ANKRD30A: variants seen among roughly 807,000 people sequenced by gnomAD.
ANKRD30A encodes the protein ankyrin repeat domain-containing protein 30A.
A neutral mutation model predicts 166.3 loss-of-function variants in ANKRD30A; 170 were observed. That is an observed-to-expected ratio of 1.02 (90% CI 0.90 to 1.16). The LOEUF is 1.16. ANKRD30A is among the 50% of genes most tolerant of loss of function. ANKRD30A has a pLI of 0.00. For missense variants in ANKRD30A, 1,630 were observed against 1,518.0 expected, an observed-to-expected ratio of 1.07 and a Z score of -1.23; for synonymous variants, 564 against 508.9, an observed-to-expected ratio of 1.11 and a Z score of -1.46.
intron 31 of ANKRD30A, among the ~76,000 whole-genome samples, chr10:37,212,879 C>T (rs1842411680): frequency 6.6e-6 from 1 of 151,628 alleles, no homozygotes; most frequent in South Asian, 2.1e-4. Flanking sequence ...GTAATTTTCA[C>T]ATTTCAATGA....
intron 27 of ANKRD30A, among the ~76,000 whole-genome samples, chr10:37,197,030 G>T (rs3955327): frequency 8.2e-4 from 125 of 152,046 alleles, no homozygotes; most frequent in South Asian, 6.8e-3. Flanking sequence ...TATCAACCCT[G>T]TTTACACGTG....
chr10:37,235,359 C>G (rs938438852), downstream of ANKRD30A, among the ~76,000 whole-genome samples: 1 of 152,168 alleles, frequency 6.6e-6, no homozygotes, highest in African/African-American at 2.4e-5. Context: ...ATTTAATACT[C>G]ACAAACCACC....
chr10:37,242,873 A>C, the ANKRD30A span, among the ~76,000 whole-genome samples: 6 of 152,242 alleles, frequency 3.9e-5, no homozygotes, highest in African/African-American at 1.2e-4. Flanking sequence ...CTATAGCAGT[A>C]CAATACATAC....
chr10:37,197,238 C>T (rs959745367), intron 27 of ANKRD30A, 43 bp from the exon 28 acceptor site: 2 of 1,605,928 alleles, frequency 1.2e-6, no homozygotes, highest in East Asian at 2.2e-5. Flanking sequence ...GCTGGCTTGT[C>T]ATATTTACTT....
chr10:37,196,687 C>G (rs1287212638), intron 27 of ANKRD30A, among the ~76,000 whole-genome samples: 1 of 151,238 alleles, frequency 6.6e-6, no homozygotes, highest in Non-Finnish European at 1.5e-5. Context: ...TTTTACACAT[C>G]TTCTTGCATG....
intron 21 of ANKRD30A, among the ~76,000 whole-genome samples, chr10:37,172,548 T>C (rs1220930747): frequency 1.4e-5 from 2 of 146,158 alleles, no homozygotes; most frequent in Non-Finnish European, 1.5e-5. Flanking sequence ...AATTTCTTTT[T>C]TTTTTTTTTT....
intron 15 of ANKRD30A, among the ~76,000 whole-genome samples, chr10:37,160,775 C>G (rs1229005935): frequency 6.6e-6 from 1 of 152,080 alleles, no homozygotes; most frequent in Non-Finnish European, 1.5e-5. Flanking sequence ...AGTTTATGGT[C>G]TCATTTCTCA....
chr10:37,203,708 A>C (rs1414391253), intron 31 of ANKRD30A, among the ~76,000 whole-genome samples: 1 of 152,238 alleles, frequency 6.6e-6, no homozygotes, highest in East Asian at 1.9e-4. Flanking sequence ...CCCTGTTTGC[A>C]GATGACATGA....
At chr10:37,161,055 C>T (rs1838816893) in intron 15 of ANKRD30A, among the ~76,000 whole-genome samples, 1 of 152,182 alleles carries the variant, frequency 6.6e-6, no homozygotes, top group African/African-American at 2.4e-5. Flanking sequence ...AGATCGAGAC[C>T]ATCCTGACTA....
chr10:37,162,394 C>A (rs1838981239), intron 15 of ANKRD30A, among the ~76,000 whole-genome samples: 1 of 152,156 alleles, frequency 6.6e-6, no homozygotes, highest in Non-Finnish European at 1.5e-5. Flanking sequence ...CTCATATCAA[C>A]CCTTTATACA....
intron 29 of ANKRD30A, among the ~76,000 whole-genome samples, chr10:37,197,845 C>T (rs1243673415): frequency 6.6e-6 from 1 of 152,036 alleles, no homozygotes; most frequent in Non-Finnish European, 1.5e-5. Context: ...GGGATCCCAT[C>T]TTTTACTGAT....
At chr10:37,178,253 C>A (rs1281607548) in intron 24 of ANKRD30A, among the ~76,000 whole-genome samples, 1 of 151,202 alleles carries the variant, frequency 6.6e-6, no homozygotes, top group Non-Finnish European at 1.5e-5. Context: ...GGTGGGAAGC[C>A]ATTAGGGATG....
chr10:37,133,900 C>G lies in ANKRD30A; in HGVS notation c.618-16C>G. The G allele has an allele frequency of 6.2e-7, 1 of 1,612,690 alleles. No individual in the cohort carries two copies. Among genetic ancestry groups the G allele is most frequent in the Non-Finnish European group, 8.5e-7 (1 of 1,179,386 alleles). ...GTTCTGCTCATAATAATGAAGTTAT[C>G]TCTTTGTTATTTTAGCACAGCCCTC... On this transcript the variant is annotated splice_polypyrimidine_tract_variant and intron_variant, in intron 4 of 35. Coordinates refer to ENST00000361713, the MANE Select transcript of ANKRD30A (RefSeq NM_052997.3).
the ANKRD30A span, among the ~76,000 whole-genome samples, chr10:37,258,976 A>C: frequency 2.2e-3 from 337 of 151,132 alleles, 1 homozygote; most frequent in African/African-American, 7.8e-3. Flanking sequence ...AAAAAAAAAA[A>C]AAAAAAAAAC....
chr10:37,265,001 G>C, the ANKRD30A span, among the ~76,000 whole-genome samples: 2 of 152,092 alleles, frequency 1.3e-5, no homozygotes, highest in Admixed American at 6.5e-5. Context: ...ATAATCCAGT[G>C]ATTATACTGG....
intron 7 of ANKRD30A, among the ~76,000 whole-genome samples, chr10:37,143,328 T>C (rs552249682): frequency 3.8e-4 from 58 of 152,148 alleles, no homozygotes; most frequent in African/African-American, 1.3e-3. Flanking sequence ...AAGGCAGAGA[T>C]TGGCAAACTT....
intron 2 of ANKRD30A, 92 bp from the exon 3 acceptor site, chr10:37,130,113 A>T: frequency 8.6e-7 from 1 of 1,161,836 alleles, no homozygotes; most frequent in Non-Finnish European, 1.1e-6. Flanking sequence ...AACCTGTGGA[A>T]TATTTATTTT....
chr10:37,177,303 T>C (rs1246619336), intron 24 of ANKRD30A, among the ~76,000 whole-genome samples: 5 of 152,176 alleles, frequency 3.3e-5, no homozygotes, highest in Non-Finnish European at 7.3e-5. Context: ...GTAGCAAATG[T>C]GTTGTATTTT....
At chr10:37,230,737 G>T (rs1843378952) in intron 34 of ANKRD30A, among the ~76,000 whole-genome samples, 1 of 151,960 alleles carries the variant, frequency 6.6e-6, no homozygotes, top group South Asian at 2.1e-4. Flanking sequence ...ACCCTGTATA[G>T]TTTTTTTCAT....
Sources: gnomAD v4.1 joint callset for allele counts (sites outside exome capture counted in the v4.1 genomes callset) on GRCh38, gnomAD v4.1.1 for gene constraint, MANE v1.5 for transcripts, NCBI Gene and HGNC (gene_info 2026-07-23, HGNC 2026-07-21) for gene names.